Variants in BANP observed in about 807,000 individuals in gnomAD.
BANP encodes BTG3 associated nuclear protein.
In BANP, 11 loss-of-function variants were observed where a neutral mutation model predicts 68.1. That is an observed-to-expected ratio of 0.16 (90% CI 0.10 to 0.27). The LOEUF (loss-of-function observed/expected upper bound fraction) is 0.27, where lower values mean the gene tolerates loss of function less well. BANP is among the 10% of genes least tolerant of loss of function. BANP has a pLI of 1.00. For missense variants in BANP, 504 were observed against 722.7 expected, an observed-to-expected ratio of 0.70 and a Z score of 3.47; for synonymous variants, 329 against 303.2, an observed-to-expected ratio of 1.09 and a Z score of -0.88.
At chr16:88,041,382 C>A (rs1283164490) in intron 11 of BANP, among the ~76,000 whole-genome samples, 1 of 152,136 alleles carries the variant, frequency 6.6e-6, no homozygotes, top group Non-Finnish European at 1.5e-5. Context: ...GTTGGTGTGA[C>A]CCTGTGGCAC....
Position 88,004,561 on chromosome 16 carries a change from C to G in BANP, c.479+150C>G. ...GCCTGGCAGGCACCGCCCCAGCTCTCTGAGGTCGGGGAGGGCAGGCTGGGC... is the reference window on the plus strand; with the variant it reads ...GCCTGGCAGGCACCGCCCCAGCTCTGTGAGGTCGGGGAGGGCAGGCTGGGC... On this transcript the variant is annotated intron_variant, in intron 5 of 13. Transcript: ENST00000682872. The surrounding 1 kb of genome is among the most constrained non-coding windows in gnomAD (Gnocchi z 7.0). 1.7e-6 allele frequency: 1 copy of G among 582,496 alleles called. No individual in the cohort carries two copies. Among genetic ancestry groups the G allele is most frequent in the Non-Finnish European group, 3.0e-6 (1 of 333,718 alleles). The allele number at this position is 582,496 out of a possible 1,614,324, so 36.1% of individuals were successfully genotyped here.
At chr16:87,980,925 G>C in intron 2 of BANP, 111 bp from the exon 3 acceptor site, 1 of 713,816 alleles carries the variant, frequency 1.4e-6, no homozygotes, top group Non-Finnish European at 2.5e-6. Flanking sequence ...GATAGGTTCT[G>C]CTGTTTCTCC....
chr16:88,047,678 C>G (rs1470354374), intron 11 of BANP, among the ~76,000 whole-genome samples: 1 of 152,156 alleles, frequency 6.6e-6, no homozygotes, highest in Non-Finnish European at 1.5e-5. Flanking sequence ...CTAGTGTACT[C>G]CTAATAGTCA....
At chr16:88,031,852 C>T (rs2078256648) in intron 8 of BANP, among the ~76,000 whole-genome samples, 1 of 145,856 alleles carries the variant, frequency 6.9e-6, no homozygotes, top group South Asian at 2.3e-4. Context: ...TTGCCTGGAG[C>T]TGAGTGCCAT....
At chr16:88,045,028 A>G (rs1037328587) in intron 11 of BANP, among the ~76,000 whole-genome samples, 2 of 152,246 alleles carry the variant, frequency 1.3e-5, no homozygotes, top group African/African-American at 4.8e-5. Context: ...TGCAAATATT[A>G]ATATTCTTCC....
At chr16:87,969,750 T>C (rs968230672) in intron 1 of BANP, among the ~76,000 whole-genome samples, 1 of 151,994 alleles carries the variant, frequency 6.6e-6, no homozygotes, top group African/African-American at 2.4e-5. Flanking sequence ...GCTAGGCTGG[T>C]CTCGAACACC....
intron 11 of BANP, among the ~76,000 whole-genome samples, chr16:88,060,716 T>G (rs939567805): frequency 6.6e-6 from 1 of 151,872 alleles, no homozygotes; most frequent in African/African-American, 2.4e-5. Context: ...AGGTGTGAAA[T>G]TGGATGGCAG....
rs923771684 is a variant in BANP at position 87,957,449 on chromosome 16, T to G, written c.-69+5934T>G. Among the ~76,000 whole-genome samples the G allele has an allele frequency of 1.3e-5, 2 of 152,194 alleles. No homozygotes were observed. The highest frequency in any genetic ancestry group is 4.8e-5 in the African/African-American group (2 of 41,454). On this transcript the variant is annotated intron_variant, in intron 1 of 13. Coordinates refer to ENST00000682872, the MANE Select transcript of BANP (RefSeq NM_001386991.1). The surrounding 1 kb of genome is among the most constrained non-coding windows in gnomAD (Gnocchi z 4.3). ...TTCTGTCGTGGTTGAGACCGGATCCTGTGTGGACCGGGTGGGCTGGTGTGG... is the reference window on the plus strand; with the variant it reads ...TTCTGTCGTGGTTGAGACCGGATCCGGTGTGGACCGGGTGGGCTGGTGTGG...
chr16:88,005,471 GTC>G (rs1424861209), intron 5 of BANP, among the ~76,000 whole-genome samples: 1 of 152,268 alleles, frequency 6.6e-6, no homozygotes, highest in Admixed American at 6.5e-5. Flanking sequence ...GAAGTAGTAA[GTC>G]TCTAAATCAT....
chr16:88,002,948 T>C lies in BANP; in HGVS notation c.363-1347T>C, dbSNP rs533837439. Among the ~76,000 whole-genome samples the C allele has an allele frequency of 6.6e-6, 1 of 152,230 alleles. No homozygotes were observed. Among genetic ancestry groups the C allele is most frequent in the East Asian group, 1.9e-4 (1 of 5,162 alleles). ...GCCTAGGATCCCGGGGACACCAGCC[T>C]TCCCACATGCTGTGAGCCTAGGATC... is the stretch of plus-strand genomic sequence containing the variant. On this transcript the variant is annotated intron_variant, in intron 4 of 13. Coordinates refer to ENST00000682872, the MANE Select transcript of BANP (RefSeq NM_001386991.1). This position sits in a 1 kb window ranked among gnomAD's most constrained non-coding sequence, Gnocchi z 4.6.
upstream of BANP, chr16:87,949,610 A>G (rs1209769181): frequency 6.6e-6 from 1 of 152,096 alleles, no homozygotes; most frequent in African/African-American, 2.4e-5. Flanking sequence ...GAAAAAGGAC[A>G]AGTCCCATCT....
In BANP at chr16:87,984,204, C is replaced by T. The variant is rs2063830450; in HGVS notation, c.307C>T (p.Pro103Ser). Residue 103 changes from proline to serine, a missense_variant, in exon 4 of 14, where the codon CCC (proline) becomes TCC (serine). Physicochemically the swap from Pro to Ser is moderately conservative, Grantham distance 74 (BLOSUM62 -1). Coordinates refer to ENST00000682872, the MANE Select transcript of BANP (RefSeq NM_001386991.1). ...TNKQHSPIQV[P>S]MVAGSPLGAT... ...CAAGCAGCACAGCCCCATCCAGGTC[C>T]CCATGGTGGCCGGCTCCCCTCTCGG... The T allele has an allele frequency of 5.0e-6, 8 of 1,606,730 alleles. No individual in the cohort carries two copies. Among genetic ancestry groups the T allele is most frequent in the Non-Finnish European group, 6.8e-6 (8 of 1,175,878 alleles).
Position 87,987,219 on chromosome 16 carries a change from C to A in BANP, c.362+2960C>A, listed in dbSNP as rs1018672188. Among the ~76,000 whole-genome samples the A allele has an allele frequency of 7.8e-4, 119 of 152,152 alleles. 2 individuals carry two copies. The highest frequency in any genetic ancestry group is 3.1e-4 in the Non-Finnish European group (21 of 67,998). On this transcript the variant is annotated intron_variant, in intron 4 of 13. Transcript: ENST00000682872. ...TCATCCTCCCAAGTAGCTGGGATTA[C>A]AGGCATGCACCACGCCGCCTAGCTA... is the stretch of plus-strand genomic sequence containing the variant.
At chr16:88,067,627 TGCCACTCCCATTCAGA>T (rs1264989740) in intron 12 of BANP, among the ~76,000 whole-genome samples, 2 of 152,090 alleles carry the variant, frequency 1.3e-5, no homozygotes, top group African/African-American at 4.8e-5. Context: ...GGTCAGCTGC[TGCCACTCCCATTCAGA>T]GCCGCTCCCC....
intron 9 of BANP, 87 bp downstream of exon 9, chr16:88,033,332 T>C: frequency 7.4e-7 from 1 of 1,349,606 alleles, no homozygotes; most frequent in Non-Finnish European, 9.8e-7. Context: ...CCGGTTCCGC[T>C]GTGTTTTGGG....
Position 88,071,636 on chromosome 16 carries a change from G to A in BANP, c.1378-433G>A, listed in dbSNP as rs1374871089. ...CTGCCTTGGGAATGGGGAGGGTTTG[G>A]GTCTCAGCCTCACGCTCACGGTCCT... On this transcript the variant is annotated intron_variant, in intron 12 of 13. Transcript: ENST00000682872. This position sits in a 1 kb window ranked among gnomAD's most constrained non-coding sequence, Gnocchi z 6.5. 4.3e-6 allele frequency: 2 copies of A among 463,356 alleles called. No individual in the cohort carries two copies. Among genetic ancestry groups the A allele is most frequent in the South Asian group, 3.1e-5 (2 of 64,610 alleles). 28.7% of individuals were successfully genotyped at this position (463,356 alleles called of 1,614,324 possible).
chr16:87,978,669 C>T (rs140267405), intron 2 of BANP: 232 of 469,816 alleles, frequency 4.9e-4, no homozygotes, highest in African/African-American at 3.9e-3. Context: ...GCACCTCAGC[C>T]CCTGAGTAGC....
At chr16:88,040,347 C>A (rs914999162) in intron 11 of BANP, among the ~76,000 whole-genome samples, 1 of 151,900 alleles carries the variant, frequency 6.6e-6, no homozygotes, top group East Asian at 1.9e-4. Flanking sequence ...GCTGGCCACA[C>A]GTTTGGGAGA....
chr16:88,074,127 C>T (rs987812571), intron 13 of BANP, among the ~76,000 whole-genome samples: 1 of 152,180 alleles, frequency 6.6e-6, no homozygotes, highest in Non-Finnish European at 1.5e-5. Context: ...GGGAAGTGAC[C>T]GAAGGCCTTC....
Sources: allele counts gnomAD v4.1 joint callset (sites outside exome capture counted in the v4.1 genomes callset), GRCh38; gene constraint gnomAD v4.1.1; non-coding constraint Gnocchi (gnomAD v3.1); transcripts MANE v1.5; gene names NCBI Gene and HGNC (gene_info 2026-07-23, HGNC 2026-07-21).